THSD7A: variants seen among roughly 807,000 people sequenced by gnomAD.
THSD7A encodes the protein thrombospondin type-1 domain-containing protein 7A.
In THSD7A, 96 loss-of-function variants were observed where a neutral mutation model predicts 231.3. The observed-to-expected ratio is 0.41, with a 90% CI of 0.35 to 0.49. The LOEUF (loss-of-function observed/expected upper bound fraction) is 0.49. Ranked by LOEUF, THSD7A falls within the 20% of genes least tolerant of loss-of-function variation. THSD7A has a pLI of 0.05. For synonymous variants in THSD7A, 940 were observed against 743.3 expected, an observed-to-expected ratio of 1.26 and a Z score of -4.30; for missense variants, 2,290 against 2,070.2, an observed-to-expected ratio of 1.11 and a Z score of -2.06.
At chr7:11,653,770 A>C (rs995427548) in intron 1 of THSD7A, among the ~76,000 whole-genome samples, 1 of 151,884 alleles carries the variant, frequency 6.6e-6, no homozygotes, top group Non-Finnish European at 1.5e-5. Context: ...TCTAGTTTAT[A>C]CCAGTATTTT....
At chr7:11,819,963 C>T (rs1284549138) in intron 1 of THSD7A, among the ~76,000 whole-genome samples, 3 of 152,178 alleles carry the variant, frequency 2.0e-5, no homozygotes, top group Non-Finnish European at 4.4e-5. Flanking sequence ...GTAAGTCTAA[C>T]ACTGCACCAA....
intron 2 of THSD7A, among the ~76,000 whole-genome samples, chr7:11,615,779 G>GA (rs1781084476): frequency 6.6e-6 from 1 of 152,036 alleles, no homozygotes; most frequent in Non-Finnish European, 1.5e-5. Context: ...GAGGAACATT[G>GA]ATTTAATCCA....
chr7:11,499,033 G>A (rs1787225302), intron 6 of THSD7A, among the ~76,000 whole-genome samples: 1 of 152,124 alleles, frequency 6.6e-6, no homozygotes, highest in Non-Finnish European at 1.5e-5. Context: ...GAGCCTCCAG[G>A]GGCAAATGAA....
At chr7:11,678,003 C>T (rs967396846) in intron 1 of THSD7A, among the ~76,000 whole-genome samples, 2 of 152,136 alleles carry the variant, frequency 1.3e-5, no homozygotes, top group African/African-American at 4.8e-5. Context: ...GTCTCTCAGA[C>T]CACAGTGCAA....
Position 11,637,940 on chromosome 7 carries a change from T to C in THSD7A, c.191-979A>G, listed in dbSNP as rs1407524317. Among the ~76,000 whole-genome samples the C allele has an allele frequency of 2.0e-5, 3 of 152,156 alleles. No homozygotes were observed. Among genetic ancestry groups the C allele is most frequent in the Non-Finnish European group, 4.4e-5 (3 of 68,022 alleles). On this transcript the variant is annotated intron_variant, in intron 1 of 27. Transcript: ENST00000423059. The surrounding 1 kb of genome is among the most constrained non-coding windows in gnomAD (Gnocchi z 4.2). The stretch of plus-strand genomic sequence containing the variant: ...TTGGAATCATAAAGAAACTTAAAGT[T>C]CATGTAAGTACATGATTTTCAAAAA...
At chr7:11,817,217 T>C (rs1784730255) in intron 1 of THSD7A, among the ~76,000 whole-genome samples, 1 of 152,168 alleles carries the variant, frequency 6.6e-6, no homozygotes, top group Non-Finnish European at 1.5e-5. Flanking sequence ...TGATCACTCA[T>C]CGTATACTTC....
rs538064929 is a variant in THSD7A at position 11,393,802 on chromosome 7, G to A, written c.4411+7993C>T. On this transcript the variant is annotated intron_variant, in intron 23 of 27. Transcript: ENST00000423059. ...TCAACTTAATGAAATAAAGTGAGAA[G>A]ACAAGATTAGAGAGAAAAGAATAAA... Among the ~76,000 whole-genome samples, 191 of 152,290 alleles carry A rather than the reference G, an allele frequency of 1.3e-3. 1 individual carries two copies. Among genetic ancestry groups the A allele is most frequent in the Middle Eastern group, 0.01 (3 of 294 alleles).
chr7:11,644,317 T>C lies in THSD7A; in HGVS notation c.191-7356A>G, dbSNP rs961493209. Among the ~76,000 whole-genome samples, 10 of 152,010 alleles carry C rather than the reference T, an allele frequency of 6.6e-5. No homozygotes were observed. The South Asian group carries it at 1.7e-3, about 25-fold the overall frequency. On this transcript the variant is annotated intron_variant, in intron 1 of 27. Coordinates refer to ENST00000423059, the MANE Select transcript of THSD7A (RefSeq NM_015204.3). ...TAGAATACTGTCCCATTCAAAATTATACTAATTGAATTGATTTAATTATAA... is the reference window on the plus strand; with the variant it reads ...TAGAATACTGTCCCATTCAAAATTACACTAATTGAATTGATTTAATTATAA...
chr7:11,748,687 C>T (rs1483113750), intron 1 of THSD7A, among the ~76,000 whole-genome samples: 2 of 151,856 alleles, frequency 1.3e-5, no homozygotes, highest in Non-Finnish European at 1.5e-5. Context: ...TCATAATTCA[C>T]AGGACTTCTT....
chr7:11,391,670 G>C (rs890485030), intron 23 of THSD7A, among the ~76,000 whole-genome samples: 2 of 152,190 alleles, frequency 1.3e-5, no homozygotes, highest in East Asian at 1.9e-4. Context: ...ATGAAAAAAA[G>C]CTCCTGCAGC....
At chr7:11,506,259 G>A (rs1476058525) in intron 6 of THSD7A, among the ~76,000 whole-genome samples, 1 of 152,088 alleles carries the variant, frequency 6.6e-6, no homozygotes, top group African/African-American at 2.4e-5. Context: ...CTAAAATGCT[G>A]GGATTTCAGG....
intron 1 of THSD7A, chr7:11,821,302 A>G: frequency 1.2e-6 from 1 of 864,556 alleles, no homozygotes; most frequent in East Asian, 2.5e-5. Context: ...CTCCTATTGG[A>G]AACCAACAGT....
chr7:11,737,403 C>A (rs903517661), intron 1 of THSD7A, among the ~76,000 whole-genome samples: 1 of 151,942 alleles, frequency 6.6e-6, no homozygotes, highest in African/African-American at 2.4e-5. Flanking sequence ...GGTCACCAGG[C>A]AGAATGGATG....
At chr7:11,455,360 G>C (rs1412501129) in intron 11 of THSD7A, among the ~76,000 whole-genome samples, 1 of 151,994 alleles carries the variant, frequency 6.6e-6, no homozygotes, top group Non-Finnish European at 1.5e-5. Flanking sequence ...ATTTGTTTTA[G>C]AAAAGATTTC....
intron 17 of THSD7A, among the ~76,000 whole-genome samples, chr7:11,415,527 G>T (rs1485523983): frequency 6.6e-6 from 1 of 152,274 alleles, no homozygotes; most frequent in South Asian, 2.1e-4. Flanking sequence ...GAGGAGATCA[G>T]TCATTCTTCC....
At chr7:11,631,226 T>C (rs1427345994) in intron 2 of THSD7A, among the ~76,000 whole-genome samples, 1 of 152,202 alleles carries the variant, frequency 6.6e-6, no homozygotes, top group Non-Finnish European at 1.5e-5. Flanking sequence ...TCTAGCTTCC[T>C]CCGTCTCTGA....
intron 16 of THSD7A, among the ~76,000 whole-genome samples, chr7:11,418,184 C>T (rs1316681051): frequency 6.6e-6 from 1 of 152,158 alleles, no homozygotes; most frequent in East Asian, 1.9e-4. Flanking sequence ...TTTAGCCTCC[C>T]TTCTGCTGTG....
At chr7:11,520,268 C>G (rs1788207859) in intron 6 of THSD7A, 1 of 152,142 alleles carries the variant, frequency 6.6e-6, no homozygotes, top group Non-Finnish European at 1.5e-5. Context: ...TCTCATGATG[C>G]TAGTTCTTTG....
intron 1 of THSD7A, among the ~76,000 whole-genome samples, chr7:11,678,678 CA>C (rs2128138200): frequency 6.6e-6 from 1 of 152,222 alleles, no homozygotes; most frequent in Non-Finnish European, 1.5e-5. Context: ...AGACCAGTAA[CA>C]AGTTCTGAAA....
Sources: gnomAD v4.1 joint callset for allele counts (sites outside exome capture counted in the v4.1 genomes callset) on GRCh38, gnomAD v4.1.1 for gene constraint, Gnocchi (gnomAD v3.1) non-coding constraint, MANE v1.5 for transcripts, NCBI Gene and HGNC (gene_info 2026-07-23, HGNC 2026-07-21) for gene names.